RFTN1: variants seen among roughly 807,000 people sequenced by gnomAD.
RFTN1 encodes the protein raftlin, lipid raft linker 1.
In RFTN1, 26 loss-of-function variants were observed where a neutral mutation model predicts 46.5. The ratio of observed to expected loss-of-function variants is 0.56; its 90% CI spans 0.41 to 0.78. The LOEUF is 0.78. RFTN1 is among the 30% of genes least tolerant of loss of function. The pLI is 0.00. For synonymous variants in RFTN1, 261 were observed against 284.2 expected, an observed-to-expected ratio of 0.92 and a Z score of 0.82; for missense variants, 693 against 718.7, an observed-to-expected ratio of 0.96 and a Z score of 0.41.
Position 16,509,300 on chromosome 3 carries a change from T to C in RFTN1, c.-9+4142A>G, listed in dbSNP as rs1441491343. 6.6e-6 allele frequency among the ~76,000 whole-genome samples: 1 copy of C among 152,230 alleles called. No homozygotes were observed. Among genetic ancestry groups the C allele is most frequent in the Non-Finnish European group, 1.5e-5 (1 of 68,036 alleles). On this transcript the variant is annotated intron_variant, in intron 1 of 9. Transcript: ENST00000334133. This position sits in a 1 kb window ranked among gnomAD's most constrained non-coding sequence, Gnocchi z 4.9. ...ACATTTCTATTATAATATGGCTTTG[T>C]GTATTTGGAAATCCGTGATTGTAGA...
intron 3 of RFTN1, among the ~76,000 whole-genome samples, chr3:16,415,447 A>ACACACACACACACACACACACACACT: frequency 6.7e-6 from 1 of 149,588 alleles, no homozygotes; most frequent in Admixed American, 6.7e-5. Context: ...ACACACACAC[A>ACACACACACACACACACACACACACT]TATATACTTG....
In RFTN1 at chr3:16,484,078, G is replaced by A. The variant is rs2124975391; in HGVS notation, c.145+9647C>T. Among the ~76,000 whole-genome samples, 1 of 152,314 alleles carries A rather than the reference G, an allele frequency of 6.6e-6. No homozygotes were observed. The highest frequency in any genetic ancestry group is 1.5e-5 in the Non-Finnish European group (1 of 68,042). ...CCTATCATCTCCCTTCACGAAATCA[G>A]AAAGGCTAATAGTGCCAGGATTTAT... On this transcript the variant is annotated intron_variant, in intron 2 of 9. Transcript: ENST00000334133. The surrounding 1 kb of genome is among the most constrained non-coding windows in gnomAD (Gnocchi z 4.6).
rs558675967 is a variant in RFTN1, at chr3:16,413,325, C to T, written c.333-3842G>A. Among the ~76,000 whole-genome samples, 2 of 152,344 alleles carry T rather than the reference C, an allele frequency of 1.3e-5. 1 individual carries two copies. Among genetic ancestry groups the T allele is most frequent in the Admixed American group, 1.3e-4 (2 of 15,306 alleles). Reference sequence around the variant, plus strand: ...AGTGGACATGTCCTAGAAGTGACCTCCAGGGCTGTGGCCTGGTTGTCCAAG... The same window carrying T: ...AGTGGACATGTCCTAGAAGTGACCTTCAGGGCTGTGGCCTGGTTGTCCAAG... On this transcript the variant is annotated intron_variant, in intron 3 of 9. Coordinates refer to ENST00000334133, the MANE Select transcript of RFTN1 (RefSeq NM_015150.2). This position sits in a 1 kb window ranked among gnomAD's most constrained non-coding sequence, Gnocchi z 4.7.
rs1053347299 is a variant in RFTN1 at position 16,384,973 on chromosome 3, G to A, written c.442-6871C>T. Among the ~76,000 whole-genome samples, 2 of 152,128 alleles carry A rather than the reference G, an allele frequency of 1.3e-5. No individual in the cohort carries two copies. Among genetic ancestry groups the A allele is most frequent in the South Asian group, 2.1e-4 (1 of 4,818 alleles). On this transcript the variant is annotated intron_variant, in intron 4 of 9. Coordinates refer to ENST00000334133, the MANE Select transcript of RFTN1 (RefSeq NM_015150.2). This position sits in a 1 kb window ranked among gnomAD's most constrained non-coding sequence, Gnocchi z 4.7. ...TAGAGTTTTTGACAGTGATTTCTGA[G>A]GCATATAATATGGGGTAAATCCAAG...
intron 2 of RFTN1, among the ~76,000 whole-genome samples, chr3:16,485,410 T>C (rs1417856750): frequency 1.3e-5 from 2 of 152,002 alleles, no homozygotes; most frequent in Non-Finnish European, 2.9e-5. Context: ...CAGCAAGGAC[T>C]CCATATATAC....
At chr3:16,493,611 T>A in intron 2 of RFTN1, 114 bp downstream of exon 2, 1 of 1,015,804 alleles carries the variant, frequency 9.8e-7, no homozygotes, top group South Asian at 1.7e-5. Flanking sequence ...GGCCTGCCCT[T>A]TTCATTTCTT....
rs1484517164 is a variant in RFTN1 at position 16,407,323 on chromosome 3, T to C, written c.441+2052A>G. On this transcript the variant is annotated intron_variant, in intron 4 of 9. Coordinates refer to ENST00000334133, the MANE Select transcript of RFTN1 (RefSeq NM_015150.2). The surrounding 1 kb of genome is among the most constrained non-coding windows in gnomAD (Gnocchi z 4.0). ...TCAGCCTCTAGAGTAGCTAGGACTA[T>C]AGTCAAGCACCACCATGCTCGGCTT... 2.6e-5 allele frequency among the ~76,000 whole-genome samples: 4 copies of C among 152,030 alleles called. No homozygotes were observed. The highest frequency in any genetic ancestry group is 5.9e-5 in the Non-Finnish European group (4 of 68,018).
At position 16,442,190 on chromosome 3, in the gene RFTN1, A is replaced by C. The variant is rs1017240647; in HGVS notation, c.146-8153T>G. Among the ~76,000 whole-genome samples, 1 of 152,232 alleles carries C rather than the reference A, an allele frequency of 6.6e-6. No individual in the cohort carries two copies. The highest frequency in any genetic ancestry group is 2.4e-5 in the African/African-American group (1 of 41,470). ...TCCAGGCTCAGGAGACCACACCATT[A>C]AAACACTATTTTTAAAATTTGAAGT... On this transcript the variant is annotated intron_variant, in intron 2 of 9. Coordinates refer to ENST00000334133, the MANE Select transcript of RFTN1 (RefSeq NM_015150.2). The surrounding 1 kb of genome is among the most constrained non-coding windows in gnomAD (Gnocchi z 4.1).
chr3:16,420,660 A>C (rs369938675), intron 3 of RFTN1, among the ~76,000 whole-genome samples: 62 of 152,356 alleles, frequency 4.1e-4, no homozygotes, highest in African/African-American at 1.4e-3. Flanking sequence ...TAAAATAGCC[A>C]CTACGGTTTT....
intron 2 of RFTN1, among the ~76,000 whole-genome samples, chr3:16,441,782 C>A (rs1403903794): frequency 1.3e-5 from 2 of 152,206 alleles, no homozygotes; most frequent in African/African-American, 4.8e-5. Context: ...CGGGAAATTT[C>A]CCTCACAGGT....
At position 16,344,545 on chromosome 3, in the gene RFTN1, G is replaced by A. The variant is rs2071516272; in HGVS notation, c.1146+13387C>T. Among the ~76,000 whole-genome samples the A allele has an allele frequency of 1.3e-5, 2 of 152,044 alleles. No homozygotes were observed. The highest frequency in any genetic ancestry group is 2.9e-5 in the Non-Finnish European group (2 of 68,022). On this transcript the variant is annotated intron_variant, in intron 7 of 9. Coordinates refer to ENST00000334133, the MANE Select transcript of RFTN1 (RefSeq NM_015150.2). The surrounding 1 kb of genome is among the most constrained non-coding windows in gnomAD (Gnocchi z 4.4). ...TTATGTGGAGCCCAAGAGCATCCAT[G>A]TTCTTATTCTTAGATCCCAAGGGCC...
rs2075778639 is a variant in RFTN1, at chr3:16,448,885, A to G, written c.146-14848T>C. On this transcript the variant is annotated intron_variant, in intron 2 of 9. Transcript: ENST00000334133. The surrounding 1 kb of genome is among the most constrained non-coding windows in gnomAD (Gnocchi z 4.1). ...AGCCAGCCGGCATCCCACAGAGATTATTCATAGCAGAAATATCAATAGACA... is the reference window on the plus strand; with the variant it reads ...AGCCAGCCGGCATCCCACAGAGATTGTTCATAGCAGAAATATCAATAGACA... 6.6e-6 allele frequency among the ~76,000 whole-genome samples: 1 copy of G among 152,226 alleles called. No homozygotes were observed. The highest frequency in any genetic ancestry group is 1.5e-5 in the Non-Finnish European group (1 of 68,038).
In RFTN1 at chr3:16,507,619, C is replaced by CACACACAT. The variant is rs35258603; in HGVS notation, c.-9+5822_-9+5823insATGTGTGT. 0.042 allele frequency among the ~76,000 whole-genome samples: 6,242 copies of CACACACAT among 150,228 alleles called. 314 individuals carry two copies. The highest frequency in any genetic ancestry group is 0.13 in the African/African-American group (5,154 of 40,726). ...TTCAAAACACACACACACACACACA[C>CACACACAT]ACATACACACACACATGCACACATC... On this transcript the variant is annotated intron_variant, in intron 1 of 9. Transcript: ENST00000334133. The surrounding 1 kb of genome is among the most constrained non-coding windows in gnomAD (Gnocchi z 7.1).
At chr3:16,375,914 CAG>C (rs1028537788) in intron 5 of RFTN1, among the ~76,000 whole-genome samples, 1 of 152,138 alleles carries the variant, frequency 6.6e-6, no homozygotes, top group African/African-American at 2.4e-5. Context: ...GTTCAGCCAT[CAG>C]GGGAGATTCT....
chr3:16,492,554 G>A (rs2076554535), intron 2 of RFTN1, among the ~76,000 whole-genome samples: 1 of 152,122 alleles, frequency 6.6e-6, no homozygotes, highest in Non-Finnish European at 1.5e-5. Context: ...TGAGCATGAG[G>A]GCTTTTCCCA....
At chr3:16,324,537 A>G (rs1485764482) in intron 8 of RFTN1, among the ~76,000 whole-genome samples, 1 of 151,154 alleles carries the variant, frequency 6.6e-6, no homozygotes, top group African/African-American at 2.4e-5. Flanking sequence ...AAGGTATGTC[A>G]TTCTGTGCCT....
chr3:16,439,820 G>C (rs913315795), intron 2 of RFTN1, among the ~76,000 whole-genome samples: 11 of 152,138 alleles, frequency 7.2e-5, no homozygotes, highest in African/African-American at 2.7e-4. Context: ...GGGGAGTGTG[G>C]GGAGCTTTTC....
chr3:16,445,928 T>C (rs2075720945), intron 2 of RFTN1, among the ~76,000 whole-genome samples: 1 of 152,158 alleles, frequency 6.6e-6, no homozygotes, highest in Non-Finnish European at 1.5e-5. Flanking sequence ...GAAGTTTTTT[T>C]TTTTTTCCCT....
intron 4 of RFTN1, among the ~76,000 whole-genome samples, chr3:16,379,777 A>AT (rs2073920636): frequency 6.6e-6 from 1 of 152,248 alleles, no homozygotes; most frequent in East Asian, 1.9e-4. Context: ...AATCTATGAT[A>AT]TCCACCTATG....
Sources: allele counts gnomAD v4.1 joint callset (sites outside exome capture counted in the v4.1 genomes callset), GRCh38; gene constraint gnomAD v4.1.1; non-coding constraint Gnocchi (gnomAD v3.1); transcripts MANE v1.5; gene names NCBI Gene and HGNC (gene_info 2026-07-23, HGNC 2026-07-21).